Variants in KAZN observed in about 807,000 individuals in gnomAD.
KAZN encodes the protein kazrin, periplakin interacting protein.
In KAZN, 40 loss-of-function variants were observed where a neutral mutation model predicts 87.4. That is an observed-to-expected ratio of 0.46 (90% CI 0.36 to 0.60). KAZN has a LOEUF of 0.60. Among genes scored for constraint, KAZN ranks in the 20% least tolerant of loss-of-function variants. The probability of loss-of-function intolerance (pLI) is 0.00; values close to 1 mark genes in which losing one functional copy is unlikely to be tolerated. For synonymous variants in KAZN, 466 were observed against 458.3 expected (o/e 1.02, Z -0.22); for missense variants, 898 against 1,073.9 (o/e 0.84, Z 2.29).
At chr1:14,224,220 A>G (rs893264152) in intron 2 of KAZN, among the ~76,000 whole-genome samples, 1 of 152,136 alleles carries the variant, frequency 6.6e-6, no homozygotes, top group Admixed American at 6.6e-5. Flanking sequence ...CTCAGATTTC[A>G]TAAAGGCCAA....
At chr1:14,895,395 C>T (rs530942133) in intron 1 of KAZN, among the ~76,000 whole-genome samples, 1 of 152,336 alleles carries the variant, frequency 6.6e-6, no homozygotes, top group East Asian at 1.9e-4. Flanking sequence ...GCTGTCGCAG[C>T]CTAATTAGCA....
At position 15,115,874 on chromosome 1, in the gene KAZN, G is replaced by A. The variant is rs1641824450; in HGVS notation, c.*1239G>A. ...CTCTCAGGAGACAATGGGAAGTTAT[G>A]GGGTAGCTAATTTCCCATTTACAAC... is the stretch of plus-strand genomic sequence containing the variant. On this transcript the variant is annotated 3_prime_UTR_variant, in exon 15 of 15. Coordinates refer to ENST00000376030, the MANE Select transcript of KAZN (RefSeq NM_201628.3). The surrounding 1 kb of genome is among the most constrained non-coding windows in gnomAD (Gnocchi z 4.1). 6.6e-6 allele frequency: 1 copy of A among 152,178 alleles called. No homozygotes were observed. Among genetic ancestry groups the A allele is most frequent in the South Asian group, 2.1e-4 (1 of 4,830 alleles). 9.4% of individuals were successfully genotyped at this position (152,178 alleles called of 1,614,324 possible).
chr1:14,432,940 A>G (rs555269211), intron 2 of KAZN, among the ~76,000 whole-genome samples: 1 of 152,076 alleles, frequency 6.6e-6, no homozygotes, highest in South Asian at 2.1e-4. Flanking sequence ...TCCATGGTGT[A>G]TATGTGTGGC....
intron 1 of KAZN, among the ~76,000 whole-genome samples, chr1:14,750,148 C>T (rs1297161380): frequency 6.6e-6 from 1 of 152,104 alleles, no homozygotes; most frequent in Non-Finnish European, 1.5e-5. Context: ...CAGGGTACCT[C>T]TCTGGGCTAT....
At chr1:14,075,061 A>G (rs1168031864) in intron 1 of KAZN, among the ~76,000 whole-genome samples, 1 of 152,066 alleles carries the variant, frequency 6.6e-6, no homozygotes, top group Non-Finnish European at 1.5e-5. Flanking sequence ...TCACTGAAGG[A>G]AAAAAAAGAT....
At chr1:13,978,754 A>C (rs1045856999) in intron 1 of KAZN, among the ~76,000 whole-genome samples, 1 of 152,170 alleles carries the variant, frequency 6.6e-6, no homozygotes, top group Non-Finnish European at 1.5e-5. Flanking sequence ...GTGTTGAAGA[A>C]GTCAAACATA....
Position 15,056,407 on chromosome 1 carries a change from T to C in KAZN, c.916+127T>C. On this transcript the variant is annotated intron_variant, in intron 5 of 14. Coordinates refer to ENST00000376030, the MANE Select transcript of KAZN (RefSeq NM_201628.3). The surrounding 1 kb of genome is among the most constrained non-coding windows in gnomAD (Gnocchi z 5.4). ...GCTTGGGGGCGTGGGACAGAGACCT[T>C]GGGCTCATGTAACTGAAAAATCTAA... 1.1e-6 allele frequency: 1 copy of C among 943,678 alleles called. No individual in the cohort carries two copies. The highest frequency in any genetic ancestry group is 1.5e-6 in the Non-Finnish European group (1 of 652,300). The allele number at this position is 943,678 out of a possible 1,614,324, so 58.5% of individuals were successfully genotyped here.
chr1:14,888,810 C>T (rs1299270867), intron 1 of KAZN, among the ~76,000 whole-genome samples: 1 of 152,136 alleles, frequency 6.6e-6, no homozygotes, highest in African/African-American at 2.4e-5. Context: ...GGTGGCTCTG[C>T]TCGGTGTCAT....
rs552301136 is a variant in KAZN, at chr1:14,706,711, T to TG, written c.226+107494dup. On this transcript the variant is annotated intron_variant, in intron 1 of 14. Transcript: ENST00000376030. ...GGGTTGGGACTTGAACATATGAATC[T>TG]GGGGGGAAAGGAGACACACTCAGCA... Among the ~76,000 whole-genome samples the TG allele has an allele frequency of 4.9e-4, 75 of 152,264 alleles. 1 individual carries two copies. The highest frequency in any genetic ancestry group is 1.8e-3 in the African/African-American group (73 of 41,572).
chr1:15,063,721 C>G (rs1190339690), intron 7 of KAZN, 99 bp downstream of exon 7: 5 of 965,910 alleles, frequency 5.2e-6, no homozygotes, highest in East Asian at 2.6e-5. Context: ...TGCCGCACAC[C>G]CAAGGTGGAG....
chr1:14,275,560 T>C (rs1652285807), intron 2 of KAZN, among the ~76,000 whole-genome samples: 1 of 152,120 alleles, frequency 6.6e-6, no homozygotes, highest in Non-Finnish European at 1.5e-5. Context: ...GTGTATTCTT[T>C]CGTTACTTGA....
chr1:14,995,754 C>T (rs925941819), intron 2 of KAZN, among the ~76,000 whole-genome samples: 3 of 152,248 alleles, frequency 2.0e-5, no homozygotes, highest in Non-Finnish European at 2.9e-5. Flanking sequence ...ATGCCCCTTT[C>T]GGGAAGCTCT....
rs138811922 is a variant in KAZN at position 13,935,252 on chromosome 1, G to GTAATAATAA, written c.91+41506_91+41514dup. On this transcript the variant is annotated intron_variant, in intron 1 of 16. Coordinates refer to the KAZN transcript ENST00000636203. Reference sequence around the variant, plus strand: ...AACTCCGTATCAAATAGTAGTAGTAGTAATAATAATAATAATAAGCCTTCA... The same window carrying GTAATAATAA: ...AACTCCGTATCAAATAGTAGTAGTAGTAATAATAATAATAATAATAATAATAAGCCTTCA... 6.2e-3 allele frequency among the ~76,000 whole-genome samples: 917 copies of GTAATAATAA among 147,082 alleles called. 5 individuals carry two copies. Among genetic ancestry groups the GTAATAATAA allele is most frequent in the Middle Eastern group, 0.021 (6 of 282 alleles).
At chr1:14,091,992 A>G (rs548465665) in intron 1 of KAZN, among the ~76,000 whole-genome samples, 1 of 152,042 alleles carries the variant, frequency 6.6e-6, no homozygotes. Flanking sequence ...TATTGTTGCT[A>G]CTGTCATCAT....
chr1:14,803,768 G>A (rs907479175), intron 1 of KAZN, among the ~76,000 whole-genome samples: 4 of 152,322 alleles, frequency 2.6e-5, no homozygotes, highest in East Asian at 1.9e-4. Flanking sequence ...CCTTCTCCAC[G>A]GAGGGCTGGC....
chr1:14,901,429 A>AT (rs34321742), intron 1 of KAZN, among the ~76,000 whole-genome samples: 91,513 of 151,788 alleles, frequency 0.6, 31,657 homozygotes, highest in Non-Finnish European at 0.76. Context: ...AGGAGTTCAG[A>AT]TTTTATCCAC....
At chr1:14,353,498 C>T (rs1208013201) in intron 2 of KAZN, among the ~76,000 whole-genome samples, 5 of 152,080 alleles carry the variant, frequency 3.3e-5, no homozygotes, top group South Asian at 2.1e-4. Context: ...GGATTACAGG[C>T]GTGAGCCACC....
chr1:14,823,274 G>T (rs562338801), intron 1 of KAZN, among the ~76,000 whole-genome samples: 2 of 152,138 alleles, frequency 1.3e-5, no homozygotes, highest in Non-Finnish European at 2.9e-5. Context: ...AGACGTCCCC[G>T]TGAAGTCATG....
At chr1:14,895,476 T>C (rs1316523047) in intron 1 of KAZN, among the ~76,000 whole-genome samples, 1 of 152,168 alleles carries the variant, frequency 6.6e-6, no homozygotes, top group Non-Finnish European at 1.5e-5. Flanking sequence ...AGCCCAAGCC[T>C]CCACAGCCCA....
Sources: allele counts gnomAD v4.1 joint callset (sites outside exome capture counted in the v4.1 genomes callset), GRCh38; gene constraint gnomAD v4.1.1; non-coding constraint Gnocchi (gnomAD v3.1); transcripts MANE v1.5; gene names NCBI Gene and HGNC (gene_info 2026-07-23, HGNC 2026-07-21).